The following RLF variants were observed in gnomAD, a reference collection of about 807,000 sequenced individuals.
The protein encoded by RLF is RLF zinc finger, also known as zinc finger protein Rlf.
RLF carries 7 observed loss-of-function variants against 162.9 expected under a neutral mutation model. The ratio of observed to expected loss-of-function variants is 0.04; its 90% CI spans 0.02 to 0.08. RLF has a LOEUF of 0.08. Ranked by LOEUF, RLF falls within the 10% of genes least tolerant of loss-of-function variation. The pLI is 1.00. For synonymous variants in RLF, 782 were observed against 791.5 expected (o/e 0.99, Z 0.20); for missense variants, 1,664 against 2,244.7 (o/e 0.74, Z 5.23).
intron 1 of RLF, among the ~76,000 whole-genome samples, chr1:40,176,906 T>C (rs890598564): frequency 1.3e-5 from 2 of 152,164 alleles, no homozygotes; most frequent in Non-Finnish European, 2.9e-5. Context: ...GCAAAGATTT[T>C]CTCCCTAGGT....
chr1:40,175,115 G>A (rs1262121699), intron 1 of RLF, among the ~76,000 whole-genome samples: 1 of 144,942 alleles, frequency 6.9e-6, no homozygotes, highest in Admixed American at 7.2e-5. Flanking sequence ...CCCTGAAGCT[G>A]AAGAGTTTGA....
intron 4 of RLF, among the ~76,000 whole-genome samples, chr1:40,198,156 A>G (rs1306842007): frequency 6.6e-6 from 1 of 151,784 alleles, no homozygotes; most frequent in Non-Finnish European, 1.5e-5. Context: ...GGCATGCGCC[A>G]CCATGCCCGG....
intron 6 of RLF, among the ~76,000 whole-genome samples, chr1:40,231,092 A>C (rs1643146619): frequency 6.6e-6 from 1 of 151,632 alleles, no homozygotes; most frequent in African/African-American, 2.4e-5. Flanking sequence ...ACTGTATAGA[A>C]GTGTACCATT....
chr1:40,227,576 A>C (rs1643094505), intron 6 of RLF, among the ~76,000 whole-genome samples: 1 of 152,202 alleles, frequency 6.6e-6, no homozygotes, highest in African/African-American at 2.4e-5. Flanking sequence ...ATTTATAACT[A>C]TGCAAATATT....
chr1:40,166,020 C>T (rs1642161038), intron 1 of RLF, among the ~76,000 whole-genome samples: 2 of 152,160 alleles, frequency 1.3e-5, no homozygotes, highest in South Asian at 4.1e-4. Context: ...TCAGCTTTTT[C>T]TGATTTCAGC....
At chr1:40,198,012 T>C (rs1642659801) in intron 4 of RLF, among the ~76,000 whole-genome samples, 1 of 144,236 alleles carries the variant, frequency 6.9e-6, no homozygotes, top group Middle Eastern at 3.5e-3. Context: ...TTCTTTTCTG[T>C]TTTTTTTTGA....
chr1:40,180,346 C>T (rs1183287012), intron 1 of RLF, among the ~76,000 whole-genome samples: 1 of 152,126 alleles, frequency 6.6e-6, no homozygotes, highest in African/African-American at 2.4e-5. Context: ...GTAACCTCTG[C>T]CTCCTGGAAT....
intron 1 of RLF, among the ~76,000 whole-genome samples, chr1:40,182,757 A>AT (rs1642422632): frequency 3.5e-5 from 1 of 28,864 alleles, no homozygotes. Flanking sequence ...AGATAGGTAG[A>AT]TAGATAGATA....
chr1:40,222,599 T>G lies in RLF; in HGVS notation c.836T>G (p.Val279Gly). The G allele has an allele frequency of 1.2e-6, 2 of 1,613,614 alleles. No homozygotes were observed. ...KEIAKVDCKEVLDIICNLESE... is the reference protein window; with the variant it reads ...KEIAKVDCKEGLDIICNLESE... ...ATTGCAAAGGTCGACTGCAAGGAAG[T>G]ACTAGACATCATTTGTAATCTGGAA... Residue 279 changes from valine (V) to glycine (G), a missense_variant, in exon 6 of 8, where the codon GTA becomes GGA. Coordinates refer to ENST00000372771, the MANE Select transcript of RLF (RefSeq NM_012421.4).
At chr1:40,197,347 G>A (rs1642651218) in intron 4 of RLF, among the ~76,000 whole-genome samples, 2 of 152,226 alleles carry the variant, frequency 1.3e-5, no homozygotes, top group African/African-American at 4.8e-5. Flanking sequence ...GGAGGCTAAA[G>A]TATCACCTTT....
Position 40,163,501 on chromosome 1 carries a change from G to C in RLF, c.237+1865G>C, listed in dbSNP as rs1642124389. Among the ~76,000 whole-genome samples, 2 of 152,156 alleles carry C rather than the reference G, an allele frequency of 1.3e-5. 1 individual carries two copies. The highest frequency in any genetic ancestry group is 4.1e-4 in the South Asian group (2 of 4,834). ...TGCTTGCAACTGCAGTTTTGTTTAAGGTAATGTTTTAATGTCTTGAGTCTT... is the reference window on the plus strand; with the variant it reads ...TGCTTGCAACTGCAGTTTTGTTTAACGTAATGTTTTAATGTCTTGAGTCTT... On this transcript the variant is annotated intron_variant, in intron 1 of 7. Transcript: ENST00000372771.
chr1:40,207,189 A>G (rs1186698748), intron 5 of RLF, among the ~76,000 whole-genome samples: 2 of 152,202 alleles, frequency 1.3e-5, no homozygotes, highest in Non-Finnish European at 1.5e-5. Context: ...ATGCTTAGCC[A>G]TGTAGGCACT....
In RLF at chr1:40,240,480, C is replaced by A; in HGVS notation, c.*33C>A. On this transcript the variant is annotated 3_prime_UTR_variant, in exon 8 of 8. Coordinates refer to ENST00000372771, the MANE Select transcript of RLF (RefSeq NM_012421.4). ...TTTTGTTTTAGTAACAGACTGGCTC[C>A]AACACTGCAACATGGGGACATTTGC... 1 of 1,455,526 alleles carries A rather than the reference C, an allele frequency of 6.9e-7. No homozygotes were observed. Among genetic ancestry groups the A allele is most frequent in the South Asian group, 1.2e-5 (1 of 81,606 alleles). The allele number at this position is 1,455,526 out of a possible 1,614,324, so 90.2% of individuals were successfully genotyped here. A position where few individuals can be genotyped will look rare whatever the true frequency, so the allele number is the denominator to read the frequency against.
At chr1:40,165,908 TC>T (rs1009810378) in intron 1 of RLF, among the ~76,000 whole-genome samples, 18 of 152,188 alleles carry the variant, frequency 1.2e-4, no homozygotes, top group African/African-American at 4.3e-4. Context: ...GATCCCACCT[TC>T]ACCACTGTGT....
intron 4 of RLF, among the ~76,000 whole-genome samples, chr1:40,196,288 G>A (rs930368206): frequency 6.6e-6 from 1 of 152,044 alleles, no homozygotes; most frequent in African/African-American, 2.4e-5. Flanking sequence ...TGGTCAGGTT[G>A]GTTTCGGACT....
intron 7 of RLF, among the ~76,000 whole-genome samples, chr1:40,234,562 GTTA>G (rs1643194514): frequency 6.6e-6 from 1 of 152,112 alleles, no homozygotes; most frequent in African/African-American, 2.4e-5. Flanking sequence ...ATGTGCCAGC[GTTA>G]TTATTTCATC....
At chr1:40,203,219 A>AAGGG (rs1642743374) in intron 5 of RLF, among the ~76,000 whole-genome samples, 1 of 145,912 alleles carries the variant, frequency 6.9e-6, no homozygotes, top group Non-Finnish European at 1.5e-5. Context: ...GGTTCAAGTG[A>AAGGG]TTCTTGTGCC....
chr1:40,208,158 C>T (rs1269147846), intron 5 of RLF, among the ~76,000 whole-genome samples: 1 of 152,104 alleles, frequency 6.6e-6, no homozygotes, highest in Non-Finnish European at 1.5e-5. Flanking sequence ...ATTGTCTAGG[C>T]AGGGAAAGTA....
intron 7 of RLF, among the ~76,000 whole-genome samples, chr1:40,235,055 A>ATTTTTTTTTTTTTTTTTTTTTTTTTTTTT (rs761816149): frequency 9.5e-6 from 1 of 105,464 alleles, no homozygotes; most frequent in African/African-American, 3.7e-5. Context: ...GATAGAGAGA[A>ATTTTTTTTTTTTTTTTTTTTTTTTTTTTT]TTTTTTTTTT....
Sources: gnomAD v4.1 joint callset for allele counts (sites outside exome capture counted in the v4.1 genomes callset) on GRCh38, gnomAD v4.1.1 for gene constraint, MANE v1.5 for transcripts, NCBI Gene and HGNC (gene_info 2026-07-23, HGNC 2026-07-21) for gene names.